ZNF600: variants seen among roughly 807,000 people sequenced by gnomAD.
ZNF600 encodes zinc finger protein KR-ZNF1.
A neutral mutation model predicts 7.3 loss-of-function variants in ZNF600; 4 were observed. The ratio of observed to expected loss-of-function variants is 0.55; its 90% confidence interval spans 0.27 to 1.25. The LOEUF (loss-of-function observed/expected upper bound fraction) is 1.25, where lower values mean the gene tolerates loss of function less well. Among genes scored for constraint, ZNF600 ranks in the 50% most tolerant of loss-of-function variants. The pLI is 0.12. For missense variants in ZNF600, 911 were observed against 922.1 expected, an observed-to-expected ratio of 0.99 and a Z score of 0.16; for synonymous variants, 290 against 308.9, an observed-to-expected ratio of 0.94 and a Z score of 0.64.
chr19:52,829,276 A>C, the ZNF600 span, among the ~76,000 whole-genome samples: 8 of 151,418 alleles, frequency 5.3e-5, no homozygotes, highest in African/African-American at 1.9e-4. Context: ...CAGGTTAGTT[A>C]CATATGTATA....
At chr19:52,790,089 G>A (rs905101602), upstream of ZNF600, among the ~76,000 whole-genome samples, 4 of 152,132 alleles carry the variant, frequency 2.6e-5, no homozygotes, top group Admixed American at 6.5e-5. Context: ...CTTTTGTGGT[G>A]GAATGTCATC....
chr19:52,787,046 A>T (rs375721039), upstream of ZNF600, among the ~76,000 whole-genome samples: 52 of 152,412 alleles, frequency 3.4e-4, no homozygotes, highest in East Asian at 3.1e-3. Context: ...AAGCCCTGCC[A>T]GGGCGGAACA....
the ZNF600 span, chr19:52,798,751 G>T: frequency 1.7e-6 from 1 of 581,310 alleles, no homozygotes; most frequent in Non-Finnish European, 3.1e-6. Flanking sequence ...TGAAAAATCT[G>T]TCACATTTAT....
chr19:52,773,103 T>A (rs1217874195), intron 3 of ZNF600, among the ~76,000 whole-genome samples: 1 of 151,962 alleles, frequency 6.6e-6, no homozygotes, highest in Non-Finnish European at 1.5e-5. Context: ...GGTATTTGCA[T>A]CCAGATCAAT....
At chr19:52,778,234 G>A (rs1012631267) in intron 2 of ZNF600, among the ~76,000 whole-genome samples, 12 of 151,616 alleles carry the variant, frequency 7.9e-5, no homozygotes, top group African/African-American at 2.2e-4. Flanking sequence ...GGCTGGTCTC[G>A]AACTCTTGAC....
rs146821330 is a variant in ZNF600 at position 52,767,673 on chromosome 19, T to C, written c.290A>G (p.His97Arg). 17,293 of 1,614,152 alleles carry C rather than the reference T, an allele frequency of 0.011. 111 individuals are homozygous for C. Among genetic ancestry groups the C allele is most frequent in the Middle Eastern group, 0.014 (85 of 6,062 alleles). ...TTCCTGGAAGCAAAAATCTCCAATG[T>C]GATAACTTTGATATCTTTGCAATGT... Residue 97 changes from histidine to arginine, a missense_variant, in exon 4 of 4, where the codon CAC becomes CGC. Coordinates refer to ENST00000648973, the Ensembl canonical transcript of ZNF600.
At chr19:52,801,100 C>T in the ZNF600 span, 2 of 1,614,036 alleles carry the variant, frequency 1.2e-6, no homozygotes, top group South Asian at 1.1e-5. Context: ...AATACCTTGC[C>T]ATATACATCA....
the ZNF600 span, chr19:52,809,904 C>G: frequency 1.2e-6 from 1 of 827,740 alleles, no homozygotes; most frequent in Admixed American, 2.0e-5. Flanking sequence ...GCGGCGCCAT[C>G]TTGTGCCCGG....
intron 3 of ZNF600, among the ~76,000 whole-genome samples, chr19:52,769,505 C>G (rs146712870): frequency 0.042 from 6,412 of 152,280 alleles, 432 homozygotes; most frequent in African/African-American, 0.14. Context: ...GTGACCTTAC[C>G]TATCACTGGA....
Position 52,770,596 on chromosome 19 carries a change from T to C in ZNF600, c.191-2824A>G, listed in dbSNP as rs149119860. Among the ~76,000 whole-genome samples, 564 of 151,968 alleles carry C rather than the reference T, an allele frequency of 3.7e-3. 2 individuals are homozygous for C. Among genetic ancestry groups the C allele is most frequent in the African/African-American group, 0.013 (546 of 41,266 alleles). On this transcript the variant is annotated intron_variant, in intron 3 of 3. Coordinates refer to ENST00000648973, the Ensembl canonical transcript of ZNF600. ...TATGCGTAAGATATAAAACATAGAA[T>C]GTGTACTGGGAAAATTTATAAACAG... is the stretch of plus-strand genomic sequence containing the variant.
chr19:52,775,925 G>C (rs1356939132), intron 2 of ZNF600, among the ~76,000 whole-genome samples: 1 of 151,860 alleles, frequency 6.6e-6, no homozygotes, highest in Admixed American at 6.6e-5. Flanking sequence ...AGAATTGCTT[G>C]AAACTGGGAG....
At chr19:52,801,453 G>C in the ZNF600 span, 1 of 1,614,166 alleles carries the variant, frequency 6.2e-7, no homozygotes, top group Admixed American at 1.7e-5. Flanking sequence ...CTTGTTTCCA[G>C]CATGCCTTTG....
the ZNF600 span, among the ~76,000 whole-genome samples, chr19:52,794,078 A>C: frequency 3.3e-5 from 5 of 152,004 alleles, no homozygotes; most frequent in Admixed American, 2.0e-4. Flanking sequence ...CAGAGAGCTG[A>C]GGAGACAACT....
At chr19:52,769,588 C>A (rs558901418) in intron 3 of ZNF600, among the ~76,000 whole-genome samples, 1 of 152,268 alleles carries the variant, frequency 6.6e-6, no homozygotes, top group Non-Finnish European at 1.5e-5. Context: ...GCATTCAGGG[C>A]CACTACCCAT....
At chr19:52,766,794 T>G in exon 4 of ZNF600, 1 of 1,614,130 alleles carries the variant, frequency 6.2e-7, no homozygotes, top group Non-Finnish European at 8.5e-7. Context: ...ATGAATTCTC[T>G]TATGTGACTC....
chr19:52,811,025 G>A, the ZNF600 span, among the ~76,000 whole-genome samples: 38 of 140,150 alleles, frequency 2.7e-4, no homozygotes, highest in Non-Finnish European at 3.7e-4. Context: ...GAGTGCCTGC[G>A]ATTGCAGGCA....
the ZNF600 span, among the ~76,000 whole-genome samples, chr19:52,796,458 AAATACACAATTTATATGT>A: frequency 6.6e-6 from 1 of 151,614 alleles, no homozygotes; most frequent in Admixed American, 6.6e-5. Flanking sequence ...GCCTTTCACT[AAATACACAATTTATATGT>A]GAGAGCGGGA....
chr19:52,811,872 C>T, the ZNF600 span, among the ~76,000 whole-genome samples: 3 of 140,258 alleles, frequency 2.1e-5, no homozygotes, highest in East Asian at 2.2e-4. Flanking sequence ...CCAGCCGCCC[C>T]GTCCGGGAGG....
chr19:52,813,156 T>C, the ZNF600 span, among the ~76,000 whole-genome samples: 3 of 149,632 alleles, frequency 2.0e-5, no homozygotes, highest in African/African-American at 4.9e-5. Flanking sequence ...ACGCTACTCA[T>C]AGTAATTGCT....
Sources: gnomAD v4.1 joint callset for allele counts (sites outside exome capture counted in the v4.1 genomes callset) on GRCh38, gnomAD v4.1.1 for gene constraint, MANE v1.5 for transcripts, NCBI Gene and HGNC (gene_info 2026-07-23, HGNC 2026-07-21) for gene names.